Variants in ZCCHC2 observed in about 807,000 individuals in gnomAD.
ZCCHC2 encodes zinc finger CCHC-type containing 2, also known as zinc finger CCHC domain-containing protein 2.
Under a neutral mutation model 103.6 loss-of-function variants are expected in ZCCHC2, and 39 were observed. The ratio of observed to expected loss-of-function variants is 0.38; its 90% CI spans 0.29 to 0.49. ZCCHC2 has a LOEUF of 0.49. Among genes scored for constraint, ZCCHC2 ranks in the 20% least tolerant of loss-of-function variants. ZCCHC2 has a pLI of 0.96. For missense variants in ZCCHC2, 1,483 were observed against 1,491.0 expected (o/e 0.99, Z 0.09); for synonymous variants, 687 against 608.9 (o/e 1.13, Z -1.89).
intron 3 of ZCCHC2, 130 bp downstream of exon 3, chr18:62,542,704 T>C (rs1159411434): frequency 9.1e-6 from 7 of 772,018 alleles, no homozygotes; most frequent in Non-Finnish European, 1.5e-5. Context: ...AATGTACTGT[T>C]TTTTATCATA....
chr18:62,584,596 G>A (rs1568564368), exon 15 of ZCCHC2: 2 of 152,184 alleles, frequency 1.3e-5, no homozygotes, highest in Non-Finnish European at 2.9e-5. Context: ...AACATTAAAC[G>A]TAAGAGAGGG....
downstream of ZCCHC2, among the ~76,000 whole-genome samples, chr18:62,583,162 G>A (rs541073623): frequency 1.1e-4 from 16 of 152,246 alleles, no homozygotes; most frequent in South Asian, 2.9e-3. Context: ...AGTGATGGCA[G>A]TGATTCTTTG....
chr18:62,571,484 G>A (rs1310783742), intron 12 of ZCCHC2, among the ~76,000 whole-genome samples: 1 of 152,218 alleles, frequency 6.6e-6, no homozygotes, highest in African/African-American at 2.4e-5. Context: ...TAAGCCTTTA[G>A]TTAATTTCCA....
chr18:62,568,382 G>T (rs1433316790), intron 11 of ZCCHC2, among the ~76,000 whole-genome samples: 1 of 152,152 alleles, frequency 6.6e-6, no homozygotes, highest in African/African-American at 2.4e-5. Flanking sequence ...TGAATCTCTA[G>T]AGGATCACAT....
intron 6 of ZCCHC2, among the ~76,000 whole-genome samples, chr18:62,557,175 A>T (rs1335465456): frequency 6.6e-6 from 1 of 151,970 alleles, no homozygotes; most frequent in Non-Finnish European, 1.5e-5. Context: ...TTCACCTTTC[A>T]CCACTGTCTG....
At chr18:62,583,765 C>T (rs183581470) in intron 14 of ZCCHC2, among the ~76,000 whole-genome samples, 2 of 152,188 alleles carry the variant, frequency 1.3e-5, no homozygotes. Context: ...AATGGGGTCC[C>T]TGCCTGGAAA....
At chr18:62,569,220 C>CA (rs1434300007) in intron 11 of ZCCHC2, among the ~76,000 whole-genome samples, 1 of 152,092 alleles carries the variant, frequency 6.6e-6, no homozygotes, top group Non-Finnish European at 1.5e-5. Context: ...TTATCCCAGC[C>CA]AAAACCACAA....
At chr18:62,566,089 AC>A (rs1167586437) in intron 11 of ZCCHC2, among the ~76,000 whole-genome samples, 1 of 152,140 alleles carries the variant, frequency 6.6e-6, no homozygotes, top group Non-Finnish European at 1.5e-5. Context: ...TACTAAAAAT[AC>A]GAAAATTAGC....
intron 4 of ZCCHC2, among the ~76,000 whole-genome samples, chr18:62,547,303 C>T (rs1346127023): frequency 2.7e-5 from 4 of 146,018 alleles, no homozygotes; most frequent in Non-Finnish European, 4.5e-5. Context: ...CCAGCCTGAG[C>T]GACAAGAGCA....
intron 6 of ZCCHC2, among the ~76,000 whole-genome samples, chr18:62,557,714 G>A (rs1359853584): frequency 6.6e-6 from 1 of 152,174 alleles, no homozygotes; most frequent in Non-Finnish European, 1.5e-5. Flanking sequence ...GTTTCAAAAA[G>A]GCATTGAATT....
Position 62,574,886 on chromosome 18 carries a change from G to C in ZCCHC2, c.2805G>C (p.Val935=). The change falls in exon 13 of 14, where the codon GTG becomes GTC. Residue 935 remains valine, a synonymous_variant. Coordinates refer to ENST00000269499, the MANE Select transcript of ZCCHC2 (RefSeq NM_017742.6). ...AGVLPSQNSS[V]LSTAATSPQP... ...TGTTACCCAGCCAGAACTCCAGTGTGCTCAGCACAGCAGCAACTTCTCCCC... is the reference window on the plus strand; with the variant it reads ...TGTTACCCAGCCAGAACTCCAGTGTCCTCAGCACAGCAGCAACTTCTCCCC... The C allele has an allele frequency of 6.2e-7, 1 of 1,613,798 alleles. No homozygotes were observed. The highest frequency in any genetic ancestry group is 2.2e-5 in the East Asian group (1 of 44,890).
intron 11 of ZCCHC2, among the ~76,000 whole-genome samples, chr18:62,569,512 T>C (rs1435896458): frequency 7.2e-6 from 1 of 138,774 alleles, no homozygotes; most frequent in Non-Finnish European, 1.6e-5. Context: ...AAAAAAAAAA[T>C]CCAAAGTTTG....
chr18:62,524,398 C>G (rs1262018895), intron 1 of ZCCHC2, 35 bp downstream of exon 1: 4 of 1,435,114 alleles, frequency 2.8e-6, no homozygotes, highest in Non-Finnish European at 3.6e-6. Context: ...ACTCGCGGTG[C>G]GATCGCTGCC....
At chr18:62,535,152 G>A (rs1367715674) in intron 1 of ZCCHC2, among the ~76,000 whole-genome samples, 2 of 152,206 alleles carry the variant, frequency 1.3e-5, no homozygotes, top group Non-Finnish European at 2.9e-5. Flanking sequence ...AGAGTCAGAT[G>A]TGGGCTGGGG....
intron 4 of ZCCHC2, among the ~76,000 whole-genome samples, chr18:62,547,982 T>A (rs939471131): frequency 1.3e-5 from 2 of 152,204 alleles, no homozygotes; most frequent in Admixed American, 6.5e-5. Flanking sequence ...CCTAAAACAG[T>A]GCCTGGGGCA....
chr18:62,544,805 A>G lies in ZCCHC2; in HGVS notation c.1132A>G (p.Asn378Asp). 2 of 1,544,592 alleles carry G rather than the reference A, an allele frequency of 1.3e-6. No individual in the cohort carries two copies. The highest frequency in any genetic ancestry group is 1.4e-5 in the African/African-American group (1 of 72,606). Reference sequence around the variant, plus strand: ...ATGTGTGTTTTTTTTAAATCAGGTAAATTGGTCTGATCTTTCAGTCACAAC... The same window carrying G: ...ATGTGTGTTTTTTTTAAATCAGGTAGATTGGTCTGATCTTTCAGTCACAAC... ...DKYWEYTFKVNWSDLSVTTVT... is the reference protein window; with the variant it reads ...DKYWEYTFKVDWSDLSVTTVT... The change falls in exon 4 of 14, where the codon AAT (asparagine) becomes GAT (aspartate). Residue 378 changes from asparagine to aspartate, a missense_variant. Transcript: ENST00000269499.
At chr18:62,535,238 G>T (rs1269638641) in intron 1 of ZCCHC2, among the ~76,000 whole-genome samples, 1 of 152,250 alleles carries the variant, frequency 6.6e-6, no homozygotes, top group Non-Finnish European at 1.5e-5. Context: ...ACACCCTGAT[G>T]TGGGGACTTA....
At chr18:62,529,179 AAAG>A (rs1277935053) in intron 1 of ZCCHC2, among the ~76,000 whole-genome samples, 6 of 151,924 alleles carry the variant, frequency 3.9e-5, no homozygotes, top group Non-Finnish European at 8.8e-5. Flanking sequence ...AAAAAAAAAA[AAAG>A]ATGCTTTTTA....
intron 1 of ZCCHC2, among the ~76,000 whole-genome samples, chr18:62,539,003 T>TCA (rs35921845): frequency 1.3e-5 from 2 of 151,732 alleles, no homozygotes; most frequent in East Asian, 3.9e-4. Context: ...ACTTACTTAA[T>TCA]ATGATGTTGT....
Sources: allele counts gnomAD v4.1 joint callset (sites outside exome capture counted in the v4.1 genomes callset), GRCh38; gene constraint gnomAD v4.1.1; transcripts MANE v1.5; gene names NCBI Gene and HGNC (gene_info 2026-07-23, HGNC 2026-07-21).